The following ASPHD1 variants were observed in gnomAD, a reference collection of about 807,000 sequenced individuals.
The protein encoded by ASPHD1 is aspartate beta-hydroxylase domain-containing protein 1.
A neutral mutation model predicts 28.3 loss-of-function variants in ASPHD1; 20 were observed. The observed-to-expected ratio is 0.71, with a 90% CI of 0.50 to 1.03. The LOEUF (loss-of-function observed/expected upper bound fraction) is 1.03. ASPHD1 is among the 50% of genes least tolerant of loss of function. The probability of loss-of-function intolerance (pLI) is 0.00; values close to 1 mark genes in which losing one functional copy is unlikely to be tolerated. For missense variants in ASPHD1, 479 were observed against 524.1 expected, an observed-to-expected ratio of 0.91 and a Z score of 0.84; for synonymous variants, 240 against 221.2, an observed-to-expected ratio of 1.08 and a Z score of -0.75.
At chr16:29,916,934 C>G (rs918443552) in intron 3 of ASPHD1, among the ~76,000 whole-genome samples, 1 of 152,144 alleles carries the variant, frequency 6.6e-6, no homozygotes, top group Admixed American at 6.5e-5. Context: ...GGCTTCAGTT[C>G]CTCACCAAGT....
At chr16:29,914,483 T>C (rs2068774569) in intron 3 of ASPHD1, 1 of 149,936 alleles carries the variant, frequency 6.7e-6, no homozygotes, top group Non-Finnish European at 1.5e-5. Flanking sequence ...TCTCCCAAGC[T>C]GAAGTGCAGA....
downstream of ASPHD1, chr16:29,906,946 G>A (rs372728677): frequency 4.3e-6 from 7 of 1,613,982 alleles, no homozygotes; most frequent in East Asian, 4.5e-5. Context: ...TGGATCCTGC[G>A]GACACGGTGC....
In ASPHD1 at chr16:29,901,901, C is replaced by T; in HGVS notation, c.930C>T (p.Ala310=). 1 of 1,506,816 alleles carries T rather than the reference C, an allele frequency of 6.6e-7. No individual in the cohort carries two copies. The highest frequency in any genetic ancestry group is 8.8e-7 in the Non-Finnish European group (1 of 1,131,466). 93.3% of individuals were successfully genotyped at this position (1,506,816 alleles called of 1,614,324 possible). The stretch of plus-strand genomic sequence containing the variant: ...AGGGCCGCTGTGGGCCCACCAATGC[C>T]CGGGTCAGATGCCATCTGGGTAAGT... The part of the protein sequence containing the change: ...RLEGRCGPTN[A]RVRCHLGLKI... Residue 310 remains alanine (A), a synonymous_variant, in exon 1 of 3, where the codon GCC becomes GCT. Coordinates refer to ENST00000308748, the MANE Select transcript of ASPHD1 (RefSeq NM_181718.4). The surrounding 1 kb of genome is among the most constrained non-coding windows in gnomAD (Gnocchi z 5.1).
chr16:29,914,433 TTC>T (rs1482426195), intron 3 of ASPHD1: 13 of 151,290 alleles, frequency 8.6e-5, no homozygotes, highest in Non-Finnish European at 1.9e-4. Context: ...TTAAGTGCAT[TTC>T]TTTTTTTTTT....
At chr16:29,910,851 C>T (rs1430925364), downstream of ASPHD1, 3 of 804,416 alleles carry the variant, frequency 3.7e-6, no homozygotes, top group Non-Finnish European at 5.9e-6. Flanking sequence ...CTGTTGTGCA[C>T]CCCAGACCCC....
At chr16:29,900,375 A>C (rs539476047), upstream of ASPHD1, 250 of 145,584 alleles carry the variant, frequency 1.7e-3, 1 homozygote, top group Non-Finnish European at 3.2e-3. Flanking sequence ...CTTCTTTCGC[A>C]TTGCGGGACG....
At chr16:29,906,246 G>C (rs1597007741), downstream of ASPHD1, 1 of 194,132 alleles carries the variant, frequency 5.2e-6, no homozygotes, top group Admixed American at 5.8e-5. Context: ...AACCTCCTGA[G>C]TAGTTGGGAT....
intron 3 of ASPHD1, chr16:29,911,728 C>A (rs576903580): frequency 2.1e-6 from 3 of 1,419,112 alleles, no homozygotes; most frequent in Non-Finnish European, 2.9e-6. Context: ...GTAGGCCCCC[C>A]GTGTGGCCGT....
downstream of ASPHD1, among the ~76,000 whole-genome samples, chr16:29,907,958 A>C (rs2068640861): frequency 6.6e-6 from 1 of 151,468 alleles, no homozygotes; most frequent in Non-Finnish European, 1.5e-5. Flanking sequence ...AGCCTGGGCA[A>C]TGTAGCAAGA....
chr16:29,904,912 A>AG lies in ASPHD1; in HGVS notation c.1014dup (p.His339AlafsTer40). On this transcript the variant is annotated frameshift_variant, in exon 2 of 3. Coordinates refer to ENST00000308748, the MANE Select transcript of ASPHD1 (RefSeq NM_181718.4). LOFTEE classifies it high-confidence loss of function. The stretch of plus-strand genomic sequence containing the variant: ...GGCGGTGAGCCCCAGTGCTGGGCTG[A>AG]GGGGCACTGTCTACTGGTGGACGAC... The AG allele has an allele frequency of 6.2e-7, 1 of 1,613,558 alleles. No individual in the cohort carries two copies. The highest frequency in any genetic ancestry group is 1.1e-5 in the South Asian group (1 of 91,022).
intron 3 of ASPHD1, chr16:29,914,781 A>T (rs2068780760): frequency 6.6e-6 from 1 of 152,260 alleles, no homozygotes; most frequent in Admixed American, 6.5e-5. Context: ...GAGACAGGTC[A>T]TCTCCACACT....
In ASPHD1 at chr16:29,901,810, G is replaced by A. The variant is rs1251540746; in HGVS notation, c.839G>A (p.Ser280Asn). 1.3e-6 allele frequency: 2 copies of A among 1,561,106 alleles called. No homozygotes were observed. Among genetic ancestry groups the A allele is most frequent in the South Asian group, 1.2e-5 (1 of 84,424 alleles). The change falls in exon 1 of 3, where the codon AGC (serine) becomes AAC (asparagine). Residue 280 changes from serine (S) to asparagine (N), a missense_variant. Physicochemically the swap from Ser to Asn is conservative, Grantham distance 46. Transcript: ENST00000308748. This position sits in a 1 kb window ranked among gnomAD's most constrained non-coding sequence, Gnocchi z 5.1. Reference protein sequence around the residue: ...GAYRALRGLRSFMSANTFGNA... With the variant: ...GAYRALRGLRNFMSANTFGNA... ...TATCGGGCACTGAGGGGGCTTCGAA[G>A]CTTTATGAGTGCCAACACCTTCGGC...
At chr16:29,906,766 G>T, downstream of ASPHD1, 1 of 907,734 alleles carries the variant, frequency 1.1e-6, no homozygotes, top group Non-Finnish European at 1.7e-6. Context: ...GACAGAGGAG[G>T]ACCCACGACT....
chr16:29,904,814 G>A lies in ASPHD1; in HGVS notation c.950-38G>A, dbSNP rs373102941. ...CTGGCCAGGATGGGCCCCTGGGATG[G>A]AGGCAGGAGTGCTGGATGCCCGCGT... On this transcript the variant is annotated intron_variant, in intron 1 of 2. Coordinates refer to ENST00000308748, the MANE Select transcript of ASPHD1 (RefSeq NM_181718.4). 393 of 1,439,514 alleles carry A rather than the reference G, an allele frequency of 2.7e-4. 3 individuals are homozygous for A. In the South Asian group the frequency reaches 3.3e-3, roughly 12 times the overall value. 89.2% of individuals were successfully genotyped at this position (1,439,514 alleles called of 1,614,324 possible).
chr16:29,910,886 G>A, downstream of ASPHD1: 1 of 1,179,088 alleles, frequency 8.5e-7, no homozygotes, highest in Non-Finnish European at 1.2e-6. Flanking sequence ...GCCTCCTGGT[G>A]GTGGGCTCCT....
intron 2 of ASPHD1, 121 bp from the exon 3 acceptor site, chr16:29,905,655 ATTTGATACATTT>A: frequency 9.9e-6 from 3 of 303,030 alleles, no homozygotes; most frequent in South Asian, 5.1e-5. Context: ...AAAAAAAAAG[ATTTGATACATTT>A]AAAGGGTTAG....
At chr16:29,911,227 A>G in intron 3 of ASPHD1, 1 of 1,412,864 alleles carries the variant, frequency 7.1e-7, no homozygotes, top group South Asian at 1.2e-5. Context: ...CTCCCTCTGT[A>G]CCCCCAGAAG....
At chr16:29,903,439 A>G (rs186926459) in intron 1 of ASPHD1, among the ~76,000 whole-genome samples, 26 of 151,928 alleles carry the variant, frequency 1.7e-4, no homozygotes, top group African/African-American at 2.2e-4. Flanking sequence ...TGGCCTCCCA[A>G]AGTGCTGAGA....
chr16:29,916,553 T>C (rs984525430), intron 3 of ASPHD1, among the ~76,000 whole-genome samples: 1 of 152,126 alleles, frequency 6.6e-6, no homozygotes, highest in Non-Finnish European at 1.5e-5. Flanking sequence ...GGTAACAAAT[T>C]ACTACAAACT....
Sources: gnomAD v4.1 joint callset for allele counts (sites outside exome capture counted in the v4.1 genomes callset) on GRCh38, gnomAD v4.1.1 for gene constraint, Gnocchi (gnomAD v3.1) non-coding constraint, MANE v1.5 for transcripts, NCBI Gene and HGNC (gene_info 2026-07-23, HGNC 2026-07-21) for gene names.